JAZF1: variants seen among roughly 807,000 people sequenced by gnomAD.
JAZF1 encodes JAZF zinc finger 1, also known as juxtaposed with another zinc finger protein 1.
JAZF1 carries 8 observed loss-of-function variants against 26.4 expected under a neutral mutation model. The ratio of observed to expected loss-of-function variants is 0.30; its 90% CI spans 0.18 to 0.55. The LOEUF is 0.55. Among genes scored for constraint, JAZF1 ranks in the 20% least tolerant of loss-of-function variants. The probability of loss-of-function intolerance (pLI) is 0.94; values close to 1 mark genes in which losing one functional copy is unlikely to be tolerated. For synonymous variants in JAZF1, 126 were observed against 122.3 expected (o/e 1.03, Z -0.20); for missense variants, 199 against 322.0 (o/e 0.62, Z 2.92).
chr7:28,159,191 G>T (rs1030184936), intron 1 of JAZF1, among the ~76,000 whole-genome samples: 2 of 152,144 alleles, frequency 1.3e-5, no homozygotes, highest in East Asian at 3.9e-4. Flanking sequence ...GAAAGCCTCC[G>T]AATAGATGAG....
At chr7:28,040,746 G>A (rs1232512772) in intron 1 of JAZF1, among the ~76,000 whole-genome samples, 3 of 152,194 alleles carry the variant, frequency 2.0e-5, no homozygotes, top group Admixed American at 2.0e-4. Flanking sequence ...CTAATGTACA[G>A]CAATTCCATG....
At chr7:28,177,686 G>A (rs1198562074) in intron 1 of JAZF1, among the ~76,000 whole-genome samples, 1 of 152,068 alleles carries the variant, frequency 6.6e-6, no homozygotes, top group South Asian at 2.1e-4. Flanking sequence ...TCTTTTTAAT[G>A]TAACCACTCA....
chr7:27,944,127 G>C (rs1415619241), intron 2 of JAZF1, among the ~76,000 whole-genome samples: 1 of 152,226 alleles, frequency 6.6e-6, no homozygotes, highest in Non-Finnish European at 1.5e-5. Flanking sequence ...GCAGAGCCCA[G>C]TGGTCTGACA....
chr7:28,011,588 C>G (rs540361538), intron 1 of JAZF1, among the ~76,000 whole-genome samples: 3 of 152,158 alleles, frequency 2.0e-5, no homozygotes, highest in African/African-American at 7.2e-5. Context: ...AAACACACGG[C>G]TTTTTAACTG....
rs533113121 is a variant in JAZF1, at chr7:27,859,524, G to C, written c.386-18657C>G. 7.0e-4 allele frequency among the ~76,000 whole-genome samples: 106 copies of C among 152,306 alleles called. 1 individual carries two copies. The highest frequency in any genetic ancestry group is 6.8e-3 in the Middle Eastern group (2 of 294). The stretch of plus-strand genomic sequence containing the variant: ...GAAAATGTGGCACATATACACCATG[G>C]AATACTATGCAGCCATAAAATAGGA... On this transcript the variant is annotated intron_variant, in intron 3 of 4. Transcript: ENST00000283928.
chr7:28,004,781 T>A (rs901356238), intron 1 of JAZF1, among the ~76,000 whole-genome samples: 1 of 152,168 alleles, frequency 6.6e-6, no homozygotes, highest in Admixed American at 6.5e-5. Context: ...GTCTCCCAAG[T>A]AGCTGGGATT....
intron 3 of JAZF1, among the ~76,000 whole-genome samples, chr7:27,881,956 A>T (rs1292870760): frequency 6.6e-6 from 1 of 152,186 alleles, no homozygotes; most frequent in Admixed American, 6.5e-5. Flanking sequence ...TTTATTTTTT[A>T]TTTAAAAATT....
chr7:28,151,376 A>T (rs2127948602), intron 1 of JAZF1, among the ~76,000 whole-genome samples: 1 of 151,068 alleles, frequency 6.6e-6, no homozygotes, highest in Non-Finnish European at 1.5e-5. Flanking sequence ...AAGTGCTGGG[A>T]TTACAGGCAT....
chr7:27,944,281 T>C (rs773195276), intron 2 of JAZF1, among the ~76,000 whole-genome samples: 3 of 152,206 alleles, frequency 2.0e-5, no homozygotes, highest in Admixed American at 1.3e-4. Context: ...TATGCATGAG[T>C]CCAGTGCAAG....
At chr7:27,912,003 C>T (rs921978189) in intron 2 of JAZF1, among the ~76,000 whole-genome samples, 1 of 152,070 alleles carries the variant, frequency 6.6e-6, no homozygotes, top group Admixed American at 6.6e-5. Flanking sequence ...GTGTTTTATG[C>T]AAAGACGTCC....
intron 2 of JAZF1, among the ~76,000 whole-genome samples, chr7:27,941,484 C>T (rs548785240): frequency 1.1e-4 from 16 of 152,206 alleles, no homozygotes; most frequent in East Asian, 1.9e-4. Context: ...GACTCAAGTC[C>T]GATTAAAAAT....
At position 28,008,922 on chromosome 7, in the gene JAZF1, T is replaced by C. The variant is rs569407358; in HGVS notation, c.116-16941A>G. 3.9e-5 allele frequency among the ~76,000 whole-genome samples: 6 copies of C among 152,336 alleles called. No homozygotes were observed. In the East Asian group the frequency reaches 1.2e-3, roughly 29 times the overall value. ...ACATAAAGGAAAGCCTTTCAATTTA[T>C]AAAACCAAGATACATTTAAATGATT... is the stretch of plus-strand genomic sequence containing the variant. On this transcript the variant is annotated intron_variant, in intron 1 of 4. Coordinates refer to ENST00000283928, the MANE Select transcript of JAZF1 (RefSeq NM_175061.4).
chr7:28,026,771 T>C lies in JAZF1; in HGVS notation c.116-34790A>G, dbSNP rs562303033. 5.3e-5 allele frequency among the ~76,000 whole-genome samples: 8 copies of C among 152,328 alleles called. No individual in the cohort carries two copies. In the East Asian group the frequency reaches 1.3e-3, roughly 26 times the overall value. On this transcript the variant is annotated intron_variant, in intron 1 of 4. Transcript: ENST00000283928. ...TTCTCTCAACTGAACAGGACCTAGTTAAGTATTCCTGAAGCCACCGGCACT... is the reference window on the plus strand; with the variant it reads ...TTCTCTCAACTGAACAGGACCTAGTCAAGTATTCCTGAAGCCACCGGCACT...
chr7:28,017,080 A>G lies in JAZF1; in HGVS notation c.116-25099T>C, dbSNP rs565217592. On this transcript the variant is annotated intron_variant, in intron 1 of 4. Coordinates refer to ENST00000283928, the MANE Select transcript of JAZF1 (RefSeq NM_175061.4). ...ATATGCCATTATCTGGCCGGGCCCA[A>G]TGGCTCACACCTATAATTCCAGCAC... Among the ~76,000 whole-genome samples, 23 of 152,252 alleles carry G rather than the reference A, an allele frequency of 1.5e-4. No homozygotes were observed. The South Asian group carries it at 4.2e-3, about 27-fold the overall frequency.
chr7:27,922,263 G>C (rs1445914407), intron 2 of JAZF1, among the ~76,000 whole-genome samples: 1 of 151,882 alleles, frequency 6.6e-6, no homozygotes, highest in Non-Finnish European at 1.5e-5. Flanking sequence ...TTTTTTGTTG[G>C]AGACGGAGTC....
rs1162649619 is a variant in JAZF1, at chr7:27,832,906, T to G, written c.626A>C (p.Lys209Thr). The G allele has an allele frequency of 1.2e-6, 2 of 1,613,532 alleles. No homozygotes were observed. Among genetic ancestry groups the G allele is most frequent in the Non-Finnish European group, 1.7e-6 (2 of 1,179,750 alleles). The change falls in exon 5 of 5, where the codon AAG becomes ACG. Residue 209 changes from lysine (K) to threonine (T), a missense_variant. Lys to Thr is a moderately conservative substitution (Grantham distance 78). Transcript: ENST00000283928. Reference sequence around the variant, plus strand: ...CTTGTAACTCTTCCCACAGCGACACTTGAATGGTTTGCGGACACGAATCTG... The same window carrying G: ...CTTGTAACTCTTCCCACAGCGACACGTGAATGGTTTGCGGACACGAATCTG... ...RTQIRVRKPF[K>T]CRCGKSYKTA...
intron 1 of JAZF1, among the ~76,000 whole-genome samples, chr7:28,170,319 A>AG (rs1448133667): frequency 6.6e-6 from 1 of 150,502 alleles, no homozygotes; most frequent in East Asian, 1.9e-4. Flanking sequence ...GGAAATCTGA[A>AG]GTAAAAGAGA....
chr7:27,890,601 G>A (rs530743182), intron 3 of JAZF1, among the ~76,000 whole-genome samples: 21 of 152,270 alleles, frequency 1.4e-4, no homozygotes, highest in South Asian at 2.1e-4. Flanking sequence ...ACATGGATGT[G>A]TCAAGTTAAC....
intron 1 of JAZF1, among the ~76,000 whole-genome samples, chr7:28,105,504 G>A (rs140130502): frequency 1.1e-4 from 16 of 152,304 alleles, no homozygotes; most frequent in Middle Eastern, 3.4e-3. Flanking sequence ...TCAGGAATGC[G>A]CAGAGTTGAT....
Sources: allele counts gnomAD v4.1 joint callset (sites outside exome capture counted in the v4.1 genomes callset), GRCh38; gene constraint gnomAD v4.1.1; transcripts MANE v1.5; gene names NCBI Gene and HGNC (gene_info 2026-07-23, HGNC 2026-07-21).